The following FNTB variants were observed in gnomAD, a reference collection of about 807,000 sequenced individuals.
FNTB encodes farnesyltransferase, CAAX box, subunit beta.
Under a neutral mutation model 59.4 loss-of-function variants are expected in FNTB, and 27 were observed. That is an observed-to-expected ratio of 0.45 (90% CI 0.34 to 0.63). The LOEUF (loss-of-function observed/expected upper bound fraction) is 0.63. Ranked by LOEUF, FNTB falls within the 20% of genes least tolerant of loss-of-function variation. FNTB has a pLI of 0.02. For synonymous variants in FNTB, 230 were observed against 220.7 expected (o/e 1.04, Z -0.37); for missense variants, 449 against 559.6 (o/e 0.80, Z 1.99).
At chr14:65,020,243 G>A (rs1298519759) in intron 4 of FNTB, among the ~76,000 whole-genome samples, 2 of 152,218 alleles carry the variant, frequency 1.3e-5, no homozygotes, top group East Asian at 3.8e-4. Context: ...GCTGGTATCA[G>A]AGGTTTCAAG....
At chr14:65,046,685 G>A (rs997111252) in intron 9 of FNTB, among the ~76,000 whole-genome samples, 16 of 152,130 alleles carry the variant, frequency 1.1e-4, no homozygotes, top group African/African-American at 3.4e-4. Flanking sequence ...TTGAAAGGAG[G>A]GCAAAATACT....
rs1234245164 is a variant in FNTB at position 65,023,736 on chromosome 14, T to C, written c.375-3717T>C. ...GTGGCTGCCTATTGGACAGCACAGA[T>C]GTATCTCATTGCTACTCAAAATGTG... On this transcript the variant is annotated intron_variant, in intron 4 of 11. Coordinates refer to ENST00000246166, the MANE Select transcript of FNTB (RefSeq NM_002028.4). This position sits in a 1 kb window ranked among gnomAD's most constrained non-coding sequence, Gnocchi z 4.1. Among the ~76,000 whole-genome samples the C allele has an allele frequency of 6.6e-6, 1 of 152,188 alleles. No homozygotes were observed. Among genetic ancestry groups the C allele is most frequent in the Non-Finnish European group, 1.5e-5 (1 of 68,038 alleles).
rs2062096078 is a variant in FNTB at position 65,031,992 on chromosome 14, G to GTC, written c.606-617_606-616insCT. Among the ~76,000 whole-genome samples the GTC allele has an allele frequency of 6.6e-6, 1 of 151,202 alleles. No homozygotes were observed. Among genetic ancestry groups the GTC allele is most frequent in the Admixed American group, 6.6e-5 (1 of 15,142 alleles). The stretch of plus-strand genomic sequence containing the variant: ...TTTTTCATTTAACGTGTGTGTGTGT[G>GTC]TGTGTGTGTGTGTGTGTGTGTGTGT... On this transcript the variant is annotated intron_variant, in intron 6 of 11. Coordinates refer to ENST00000246166, the MANE Select transcript of FNTB (RefSeq NM_002028.4). The surrounding 1 kb of genome is among the most constrained non-coding windows in gnomAD (Gnocchi z 4.6).
At chr14:65,039,893 C>CA (rs1325972695) in intron 7 of FNTB, among the ~76,000 whole-genome samples, 1 of 152,130 alleles carries the variant, frequency 6.6e-6, no homozygotes, top group Non-Finnish European at 1.5e-5. Context: ...GACCTGTACT[C>CA]AAAGATCACC....
At position 65,012,528 on chromosome 14, in the gene FNTB, G is replaced by C; in HGVS notation, c.282+139G>C. 2 of 1,202,250 alleles carry C rather than the reference G, an allele frequency of 1.7e-6. No homozygotes were observed. Among genetic ancestry groups the C allele is most frequent in the Non-Finnish European group, 2.3e-6 (2 of 859,216 alleles). 74.5% of individuals were successfully genotyped at this position (1,202,250 alleles called of 1,614,324 possible). The stretch of plus-strand genomic sequence containing the variant: ...TTCTCTGTGGCTCTGGCAGGAGGTA[G>C]GGTGCTGTCACAGAGCTGGGACTCA... On this transcript the variant is annotated intron_variant, in intron 3 of 11. Coordinates refer to ENST00000246166, the MANE Select transcript of FNTB (RefSeq NM_002028.4). This position sits in a 1 kb window ranked among gnomAD's most constrained non-coding sequence, Gnocchi z 5.0.
intron 4 of FNTB, among the ~76,000 whole-genome samples, chr14:65,022,315 C>T (rs2061903901): frequency 6.6e-6 from 1 of 150,980 alleles, no homozygotes; most frequent in Non-Finnish European, 1.5e-5. Flanking sequence ...CCCAATTGTG[C>T]AGAACATAGC....
At chr14:65,048,076 G>A (rs2062523510) in intron 9 of FNTB, among the ~76,000 whole-genome samples, 1 of 147,702 alleles carries the variant, frequency 6.8e-6, no homozygotes. Context: ...TAGCCTCCTC[G>A]GTTCAATTGA....
chr14:65,039,850 A>G (rs1174386149), intron 7 of FNTB, among the ~76,000 whole-genome samples: 1 of 152,206 alleles, frequency 6.6e-6, no homozygotes, highest in Non-Finnish European at 1.5e-5. Flanking sequence ...TTTTGAACAA[A>G]TAGAAAAACA....
At position 65,030,844 on chromosome 14, in the gene FNTB, G is replaced by A. The variant is rs1023811198; in HGVS notation, c.606-1766G>A. ...TTGTTTTGAGATGGAGTTTCTTTCTGTTGCCCAGGCAGGAGCGCAGTGGTG... is the reference window on the plus strand; with the variant it reads ...TTGTTTTGAGATGGAGTTTCTTTCTATTGCCCAGGCAGGAGCGCAGTGGTG... On this transcript the variant is annotated intron_variant, in intron 6 of 11. Coordinates refer to ENST00000246166, the MANE Select transcript of FNTB (RefSeq NM_002028.4). This position sits in a 1 kb window ranked among gnomAD's most constrained non-coding sequence, Gnocchi z 4.5. Among the ~76,000 whole-genome samples, 4 of 152,024 alleles carry A rather than the reference G, an allele frequency of 2.6e-5. No individual in the cohort carries two copies. The highest frequency in any genetic ancestry group is 9.7e-5 in the African/African-American group (4 of 41,398).
intron 7 of FNTB, among the ~76,000 whole-genome samples, chr14:65,037,402 C>CTTTTTTTTTTTTTT (rs765037575): frequency 2.8e-3 from 41 of 14,530 alleles, no homozygotes; most frequent in Admixed American, 5.0e-3. Context: ...CACGCCGGGC[C>CTTTTTTTTTTTTTT]CTTTTTTTTT....
At chr14:65,040,678 A>G in intron 7 of FNTB, 112 bp from the exon 8 acceptor site, 1 of 1,079,808 alleles carries the variant, frequency 9.3e-7, no homozygotes, top group Non-Finnish European at 1.2e-6. Flanking sequence ...CATAGTTGTG[A>G]TGGTTCACAC....
chr14:65,018,494 C>T (rs1033914170), intron 4 of FNTB, among the ~76,000 whole-genome samples: 5 of 152,004 alleles, frequency 3.3e-5, no homozygotes, highest in South Asian at 2.1e-4. Context: ...TATTTCTGGA[C>T]GATGGGGTTA....
At chr14:65,053,174 G>C in intron 9 of FNTB, 64 bp from the exon 10 acceptor site, 1 of 1,242,982 alleles carries the variant, frequency 8.0e-7, no homozygotes, top group Non-Finnish European at 1.0e-6. Flanking sequence ...TGAGAAAGTG[G>C]AATTAGGTCA....
Position 65,054,154 on chromosome 14 carries a change from C to T in FNTB, c.1068-421C>T, listed in dbSNP as rs2062676167. On this transcript the variant is annotated intron_variant, in intron 10 of 11. Coordinates refer to ENST00000246166, the MANE Select transcript of FNTB (RefSeq NM_002028.4). The surrounding 1 kb of genome is among the most constrained non-coding windows in gnomAD (Gnocchi z 4.4). ...TTGAGACAGGGTCTCACTCTGTCAC[C>T]CAGGCTGGAGTGCAGTGTCACAATC... is the stretch of plus-strand genomic sequence containing the variant. Among the ~76,000 whole-genome samples the T allele has an allele frequency of 6.6e-6, 1 of 151,908 alleles. No homozygotes were observed. Among genetic ancestry groups the T allele is most frequent in the African/African-American group, 2.4e-5 (1 of 41,320 alleles).
chr14:65,045,160 G>A (rs184559609), intron 9 of FNTB, among the ~76,000 whole-genome samples: 1 of 152,194 alleles, frequency 6.6e-6, no homozygotes, highest in African/African-American at 2.4e-5. Flanking sequence ...CAGTCTGCCT[G>A]CTAACTCCTG....
At chr14:65,037,402 C>CTTT (rs765037575) in intron 7 of FNTB, among the ~76,000 whole-genome samples, 17 of 14,524 alleles carry the variant, frequency 1.2e-3, no homozygotes, top group Non-Finnish European at 2.2e-3. Flanking sequence ...CACGCCGGGC[C>CTTT]CTTTTTTTTT....
intron 11 of FNTB, among the ~76,000 whole-genome samples, chr14:65,058,924 T>C (rs1024124872): frequency 6.6e-6 from 1 of 152,248 alleles, no homozygotes; most frequent in Non-Finnish European, 1.5e-5. Context: ...GAAAGATTGA[T>C]CTAAAATTTT....
Position 65,012,148 on chromosome 14 carries a change from C to G in FNTB, c.210-169C>G. 1.5e-6 allele frequency: 1 copy of G among 682,862 alleles called. No individual in the cohort carries two copies. Among genetic ancestry groups the G allele is most frequent in the East Asian group, 2.9e-5 (1 of 34,766 alleles). The allele number at this position is 682,862 out of a possible 1,614,324, so 42.3% of individuals were successfully genotyped here. A position where few individuals can be genotyped will look rare whatever the true frequency, so the allele number is the denominator to read the frequency against. ...ACATTCAGACAAGAGCTTCTTTTCT[C>G]TGGTTTAGTTGCTCTTTGGAACCAG... On this transcript the variant is annotated intron_variant, in intron 2 of 11. Transcript: ENST00000246166. This position sits in a 1 kb window ranked among gnomAD's most constrained non-coding sequence, Gnocchi z 5.0.
chr14:65,035,759 C>G (rs149181259), intron 7 of FNTB, among the ~76,000 whole-genome samples: 1 of 152,006 alleles, frequency 6.6e-6, no homozygotes, highest in African/African-American at 2.4e-5. Context: ...GGCTTGAACT[C>G]CTGGGCTCAG....
Sources: allele counts gnomAD v4.1 joint callset (sites outside exome capture counted in the v4.1 genomes callset), GRCh38; gene constraint gnomAD v4.1.1; non-coding constraint Gnocchi (gnomAD v3.1); transcripts MANE v1.5; gene names NCBI Gene and HGNC (gene_info 2026-07-23, HGNC 2026-07-21).